The following PTPRM variants were observed in gnomAD, a reference collection of about 807,000 sequenced individuals.
PTPRM encodes receptor-type tyrosine-protein phosphatase mu.
PTPRM carries 47 observed loss-of-function variants against 186.7 expected under a neutral mutation model. That is an observed-to-expected ratio of 0.25 (90% CI 0.20 to 0.32). PTPRM has a LOEUF of 0.32. PTPRM is among the 10% of genes least tolerant of loss of function. The pLI is 1.00. For synonymous variants in PTPRM, 668 were observed against 674.9 expected (o/e 0.99, Z 0.16); for missense variants, 1,494 against 1,865.0 (o/e 0.80, Z 3.66).
chr18:8,012,365 AGAAT>A (rs1315233816), intron 7 of PTPRM, among the ~76,000 whole-genome samples: 5 of 152,238 alleles, frequency 3.3e-5, no homozygotes, highest in African/African-American at 1.2e-4. Flanking sequence ...GATTTTCTCC[AGAAT>A]GGTAACTTGG....
chr18:8,185,429 TGACTA>T (rs1445936712), intron 14 of PTPRM, among the ~76,000 whole-genome samples: 1 of 152,214 alleles, frequency 6.6e-6, no homozygotes, highest in Non-Finnish European at 1.5e-5. Context: ...CGGGGTCCTG[TGACTA>T]GTAGGAGTGG....
intron 7 of PTPRM, among the ~76,000 whole-genome samples, chr18:7,978,489 C>T (rs577137619): frequency 2.0e-5 from 3 of 152,280 alleles, no homozygotes; most frequent in East Asian, 1.9e-4. Flanking sequence ...AAATATGCCT[C>T]GTGGCCCAAA....
At chr18:8,204,928 C>T (rs1375374022) in intron 14 of PTPRM, among the ~76,000 whole-genome samples, 5 of 152,066 alleles carry the variant, frequency 3.3e-5, no homozygotes, top group African/African-American at 1.2e-4. Flanking sequence ...AGGCCATATT[C>T]TGTTTGCTTC....
At position 8,090,383 on chromosome 18, in the gene PTPRM, T is replaced by C. The variant is rs184214784; in HGVS notation, c.1856+1532T>C. Among the ~76,000 whole-genome samples, 5 of 152,300 alleles carry C rather than the reference T, an allele frequency of 3.3e-5. No individual in the cohort carries two copies. In the East Asian group the frequency reaches 5.8e-4, roughly 18 times the overall value. Reference sequence around the variant, plus strand: ...ATTTTACTGCAAAGCATCATGATCATGTGAATAGTTAGAGTTCACTCAGAT... The same window carrying C: ...ATTTTACTGCAAAGCATCATGATCACGTGAATAGTTAGAGTTCACTCAGAT... On this transcript the variant is annotated intron_variant, in intron 11 of 32. Transcript: ENST00000580170.
intron 1 of PTPRM, among the ~76,000 whole-genome samples, chr18:7,728,925 CTT>C (rs113386099): frequency 2.1e-4 from 29 of 138,486 alleles, no homozygotes; most frequent in Admixed American, 3.6e-4. Flanking sequence ...TTCCTCCAAC[CTT>C]TTTTTTTTTT....
At chr18:8,153,412 T>C (rs1273478632) in intron 14 of PTPRM, among the ~76,000 whole-genome samples, 1 of 152,188 alleles carries the variant, frequency 6.6e-6, no homozygotes, top group Non-Finnish European at 1.5e-5. Context: ...TGGTAACACG[T>C]GGCCTTAATG....
At chr18:8,357,768 T>C (rs890096006) in intron 23 of PTPRM, among the ~76,000 whole-genome samples, 2 of 151,994 alleles carry the variant, frequency 1.3e-5, no homozygotes, top group Non-Finnish European at 2.9e-5. Flanking sequence ...AGGTAAACTG[T>C]GGTTTAAAGG....
In PTPRM at chr18:7,805,479, A is replaced by G. The variant is rs577565403; in HGVS notation, c.196+31208A>G. Among the ~76,000 whole-genome samples, 7 of 152,342 alleles carry G rather than the reference A, an allele frequency of 4.6e-5. No individual in the cohort carries two copies. In the South Asian group the frequency reaches 1.0e-3, roughly 23 times the overall value. Reference sequence around the variant, plus strand: ...CCATCTTGGTACAACTGAGATAAAAAAACTTTCTAAAACACTATTAAAGCT... The same window carrying G: ...CCATCTTGGTACAACTGAGATAAAAGAACTTTCTAAAACACTATTAAAGCT... On this transcript the variant is annotated intron_variant, in intron 2 of 32. Transcript: ENST00000580170.
At chr18:7,916,578 G>A (rs1347691458) in intron 4 of PTPRM, among the ~76,000 whole-genome samples, 1 of 152,032 alleles carries the variant, frequency 6.6e-6, no homozygotes, top group Admixed American at 6.6e-5. Flanking sequence ...GTCCTCACAT[G>A]GCAGACAGAG....
chr18:7,780,438 G>A (rs1379901508), intron 2 of PTPRM, among the ~76,000 whole-genome samples: 1 of 152,214 alleles, frequency 6.6e-6, no homozygotes, highest in Non-Finnish European at 1.5e-5. Context: ...TCAGGTGCAT[G>A]CATTTGGATC....
At chr18:8,042,022 A>G (rs1464023866) in intron 7 of PTPRM, among the ~76,000 whole-genome samples, 1 of 152,232 alleles carries the variant, frequency 6.6e-6, no homozygotes, top group Non-Finnish European at 1.5e-5. Flanking sequence ...ATTACTGAAT[A>G]GCTAGGTATG....
intron 23 of PTPRM, among the ~76,000 whole-genome samples, chr18:8,362,716 C>G (rs2095604503): frequency 6.6e-6 from 1 of 152,190 alleles, no homozygotes. Flanking sequence ...AATTAGCATA[C>G]TTCTGACTGC....
intron 2 of PTPRM, among the ~76,000 whole-genome samples, chr18:7,830,604 A>G (rs187884621): frequency 6.6e-6 from 1 of 152,248 alleles, no homozygotes; most frequent in East Asian, 1.9e-4. Flanking sequence ...CTATGTAGAG[A>G]TTGAGTTCAT....
chr18:8,396,333 ACT>A (rs1326240125), intron 32 of PTPRM, among the ~76,000 whole-genome samples: 1 of 152,108 alleles, frequency 6.6e-6, no homozygotes, highest in Non-Finnish European at 1.5e-5. Flanking sequence ...TAGCCTCGAG[ACT>A]CTGGTTGGTA....
chr18:8,169,632 G>A (rs2093370150), intron 14 of PTPRM, among the ~76,000 whole-genome samples: 1 of 152,118 alleles, frequency 6.6e-6, no homozygotes, highest in Non-Finnish European at 1.5e-5. Flanking sequence ...CATGGAATTG[G>A]TAAGAATTTC....
rs1013324337 is a variant in PTPRM at position 8,311,849 on chromosome 18, G to A, written c.2843-2932G>A. ...GAATTCAGTCCTGGTGGAGATTGACGTCCCTAAAGAGAACCCTCCAGAATA... is the reference window on the plus strand; with the variant it reads ...GAATTCAGTCCTGGTGGAGATTGACATCCCTAAAGAGAACCCTCCAGAATA... On this transcript the variant is annotated intron_variant, in intron 20 of 32. Transcript: ENST00000580170. Among the ~76,000 whole-genome samples the A allele has an allele frequency of 4.6e-5, 7 of 152,240 alleles. No individual in the cohort carries two copies. In the South Asian group the frequency reaches 6.2e-4, roughly 14 times the overall value.
intron 4 of PTPRM, among the ~76,000 whole-genome samples, chr18:7,907,393 G>A (rs1323119767): frequency 6.6e-6 from 1 of 152,178 alleles, no homozygotes; most frequent in East Asian, 1.9e-4. Flanking sequence ...TAGTGGTCTA[G>A]ACTCAGATGA....
intron 2 of PTPRM, among the ~76,000 whole-genome samples, chr18:7,879,934 G>A (rs964522611): frequency 3.9e-5 from 6 of 152,138 alleles, no homozygotes; most frequent in Admixed American, 6.5e-5. Context: ...TCACTGTTCC[G>A]CGTGACTGGG....
chr18:8,370,938 A>G lies in PTPRM; in HGVS notation c.3103A>G (p.Ile1035Val). ...WPDDTEIYKDIKVTLIETELL... is the reference protein window; with the variant it reads ...WPDDTEIYKDVKVTLIETELL... ...AGATGACACAGAGATATATAAAGAC[A>G]TTAAAGTTACCCTAATAGAAACAGA... is the stretch of plus-strand genomic sequence containing the variant. Residue 1035 changes from isoleucine (I) to valine (V), a missense_variant, in exon 24 of 33, where the codon ATT becomes GTT. By Grantham distance (29) the Ile-to-Val change is conservative. Around this residue, in one of 3 missense-constraint regions of PTPRM, gnomAD observed 1,107 missense variants for 1,350.2 expected, o/e 0.82. Coordinates refer to ENST00000580170, the MANE Select transcript of PTPRM (RefSeq NM_001105244.2). 3 of 1,608,588 alleles carry G rather than the reference A, an allele frequency of 1.9e-6. No homozygotes were observed. The highest frequency in any genetic ancestry group is 2.6e-6 in the Non-Finnish European group (3 of 1,175,732).
Sources: allele counts gnomAD v4.1 joint callset (sites outside exome capture counted in the v4.1 genomes callset), GRCh38; gene constraint gnomAD v4.1.1; regional missense constraint gnomAD v4.1.1; transcripts MANE v1.5; gene names NCBI Gene and HGNC (gene_info 2026-07-23, HGNC 2026-07-21).